Variants in TBC1D30 observed in about 807,000 individuals in gnomAD.
TBC1D30 encodes the protein TBC1 domain family member 30.
A neutral mutation model predicts 63.2 loss-of-function variants in TBC1D30; 31 were observed. The observed-to-expected ratio is 0.49, with a 90% CI of 0.37 to 0.66. The LOEUF is 0.66. Ranked by LOEUF, TBC1D30 falls within the 30% of genes least tolerant of loss-of-function variation. The pLI is 0.00. For missense variants in TBC1D30, 810 were observed against 953.6 expected (o/e 0.85, Z 1.98); for synonymous variants, 307 against 361.5 (o/e 0.85, Z 1.71).
At chr12:64,827,765 T>C in intron 1 of TBC1D30, 70 bp from the exon 2 acceptor site, 1 of 1,045,578 alleles carries the variant, frequency 9.6e-7, no homozygotes, top group African/African-American at 1.6e-5. Context: ...AATCAAGCTT[T>C]TACTAGTATT....
intron 2 of TBC1D30, among the ~76,000 whole-genome samples, chr12:64,801,049 AT>A (rs2136316176): frequency 6.6e-6 from 1 of 152,234 alleles, no homozygotes; most frequent in Non-Finnish European, 1.5e-5. Context: ...GTTTGTTAGA[AT>A]TGATGAATTT....
intron 10 of TBC1D30, among the ~76,000 whole-genome samples, chr12:64,869,614 A>G (rs993937368): frequency 5.9e-5 from 9 of 151,892 alleles, no homozygotes; most frequent in African/African-American, 2.2e-4. Context: ...GCCTGGGTCT[A>G]TGTTTCATTT....
chr12:64,831,037 G>T (rs1406543978), intron 4 of TBC1D30, among the ~76,000 whole-genome samples: 2 of 152,286 alleles, frequency 1.3e-5, no homozygotes, highest in African/African-American at 4.8e-5. Flanking sequence ...AAAAGCCAAG[G>T]ATACTGATTC....
exon 1 of TBC1D30, chr12:64,780,815 G>A: frequency 2.0e-6 from 2 of 994,846 alleles, no homozygotes; most frequent in Non-Finnish European, 2.4e-6. Context: ...GACCATGGAC[G>A]TCCTTCCCAC....
At chr12:64,850,821 A>G (rs946409345) in intron 8 of TBC1D30, among the ~76,000 whole-genome samples, 2 of 151,912 alleles carry the variant, frequency 1.3e-5, no homozygotes, top group African/African-American at 4.8e-5. Context: ...CTCTTTTTCT[A>G]TTGATTGGAA....
chr12:64,765,989 G>A (rs1039038282), intron 1 of TBC1D30, among the ~76,000 whole-genome samples: 4 of 152,100 alleles, frequency 2.6e-5, no homozygotes, highest in African/African-American at 9.7e-5. Flanking sequence ...TCCAGCCTGG[G>A]TGACAGAGGG....
chr12:64,853,708 G>C (rs1877067229), intron 8 of TBC1D30, among the ~76,000 whole-genome samples: 1 of 152,184 alleles, frequency 6.6e-6, no homozygotes, highest in South Asian at 2.1e-4. Context: ...CATTCCTCAT[G>C]GCACAATCCC....
At chr12:64,769,898 AT>A (rs1256685304) in intron 1 of TBC1D30, among the ~76,000 whole-genome samples, 1 of 152,196 alleles carries the variant, frequency 6.6e-6, no homozygotes, top group African/African-American at 2.4e-5. Context: ...TAAAGTATAA[AT>A]TGTAATTTTG....
chr12:64,772,953 T>C (rs1467213838), intron 1 of TBC1D30, among the ~76,000 whole-genome samples: 1 of 152,232 alleles, frequency 6.6e-6, no homozygotes, highest in Non-Finnish European at 1.5e-5. Context: ...AATAATTAAG[T>C]AGTAAACTAG....
At chr12:64,830,769 G>A (rs748314062) in intron 4 of TBC1D30, among the ~76,000 whole-genome samples, 1 of 152,194 alleles carries the variant, frequency 6.6e-6, no homozygotes, top group Non-Finnish European at 1.5e-5. Context: ...CTATAGGAAG[G>A]ACGCTTTGTC....
intron 11 of TBC1D30, among the ~76,000 whole-genome samples, chr12:64,871,689 C>G (rs1384140935): frequency 6.6e-6 from 1 of 152,206 alleles, no homozygotes; most frequent in African/African-American, 2.4e-5. Flanking sequence ...TTGGCACATA[C>G]ATTTCCTCAT....
Position 64,877,055 on chromosome 12 carries a change from A to G in TBC1D30, c.*1267A>G. 1 of 369,474 alleles carries G rather than the reference A, an allele frequency of 2.7e-6. No homozygotes were observed. The highest frequency in any genetic ancestry group is 5.4e-6 in the Non-Finnish European group (1 of 183,608). The allele number at this position is 369,474 out of a possible 1,614,324, so 22.9% of individuals were successfully genotyped here. A position where few individuals can be genotyped will look rare whatever the true frequency, so the allele number is the denominator to read the frequency against. ...TAGCGTGTAAAAACCAAGACTGGGAAGCCATTCACTAAAATCCCTCCTGAC... is the reference window on the plus strand; with the variant it reads ...TAGCGTGTAAAAACCAAGACTGGGAGGCCATTCACTAAAATCCCTCCTGAC... On this transcript the variant is annotated 3_prime_UTR_variant, in exon 12 of 12. Transcript: ENST00000539867.
intron 2 of TBC1D30, among the ~76,000 whole-genome samples, chr12:64,802,254 A>G (rs1240646393): frequency 1.3e-5 from 2 of 152,148 alleles, no homozygotes; most frequent in African/African-American, 4.8e-5. Flanking sequence ...TTGGCCTGTG[A>G]TCTTTCCCAA....
rs1879337548 is a variant in TBC1D30, at chr12:64,879,747, C to T, written c.*3959C>T. Reference sequence around the variant, plus strand: ...TAGGTTAAGAAAATTCCCTTTTATTCTTTGCTTGCTAAGAGTTTTCTTCAT... The same window carrying T: ...TAGGTTAAGAAAATTCCCTTTTATTTTTTGCTTGCTAAGAGTTTTCTTCAT... On this transcript the variant is annotated 3_prime_UTR_variant, in exon 12 of 12. Transcript: ENST00000539867. 1 of 152,148 alleles carries T rather than the reference C, an allele frequency of 6.6e-6. No homozygotes were observed. The highest frequency in any genetic ancestry group is 2.1e-4 in the South Asian group (1 of 4,828). 9.4% of individuals were successfully genotyped at this position (152,148 alleles called of 1,614,324 possible).
intron 1 of TBC1D30, chr12:64,825,280 C>G (rs1208115228): frequency 2.2e-6 from 1 of 453,340 alleles, no homozygotes; most frequent in African/African-American, 2.1e-5. Context: ...CCTCTCCCCG[C>G]GGACCCCCAC....
intron 2 of TBC1D30, among the ~76,000 whole-genome samples, chr12:64,797,239 A>T (rs1872334038): frequency 6.6e-6 from 1 of 152,162 alleles, no homozygotes; most frequent in African/African-American, 2.4e-5. Flanking sequence ...GAACTGTTGG[A>T]CTGTTTCCTA....
rs773241075 is a variant in TBC1D30 at position 64,878,630 on chromosome 12, G to A, written c.*2842G>A. 2 of 440,890 alleles carry A rather than the reference G, an allele frequency of 4.5e-6. No homozygotes were observed. The highest frequency in any genetic ancestry group is 2.0e-5 in the African/African-American group (1 of 49,688). 27.3% of individuals were successfully genotyped at this position (440,890 alleles called of 1,614,324 possible). ...TATATGCATAAAGATTCTCATTGTTGTAACTGTTCTGCCATTTTCTGAGTG... is the reference window on the plus strand; with the variant it reads ...TATATGCATAAAGATTCTCATTGTTATAACTGTTCTGCCATTTTCTGAGTG... On this transcript the variant is annotated 3_prime_UTR_variant, in exon 12 of 12. Transcript: ENST00000539867.
intron 2 of TBC1D30, among the ~76,000 whole-genome samples, chr12:64,792,400 G>A (rs1871976908): frequency 6.6e-6 from 1 of 152,164 alleles, no homozygotes; most frequent in African/African-American, 2.4e-5. Flanking sequence ...CCCAAGCCTT[G>A]TTATGTGGGG....
At chr12:64,838,546 A>G in intron 6 of TBC1D30, 137 bp from the exon 7 acceptor site, 1 of 880,056 alleles carries the variant, frequency 1.1e-6, no homozygotes, top group East Asian at 2.7e-5. Context: ...AAAAGAAAGA[A>G]CAAGAGTTTA....
Sources: allele counts gnomAD v4.1 joint callset (sites outside exome capture counted in the v4.1 genomes callset), GRCh38; gene constraint gnomAD v4.1.1; transcripts MANE v1.5; gene names NCBI Gene and HGNC (gene_info 2026-07-23, HGNC 2026-07-21).